Variants in PDLIM5 observed in about 807,000 individuals in gnomAD.
PDLIM5 encodes the protein PDZ and LIM domain 5.
PDLIM5 carries 34 observed loss-of-function variants against 64.2 expected under a neutral mutation model. That is an observed-to-expected ratio of 0.53 (90% CI 0.40 to 0.71). PDLIM5 has a LOEUF of 0.71. PDLIM5 is among the 30% of genes least tolerant of loss of function. The probability of loss-of-function intolerance (pLI) is 0.00; values close to 1 mark genes in which losing one functional copy is unlikely to be tolerated. For missense variants in PDLIM5, 683 were observed against 733.6 expected (o/e 0.93, Z 0.80); for synonymous variants, 253 against 269.1 (o/e 0.94, Z 0.59).
intron 2 of PDLIM5, among the ~76,000 whole-genome samples, chr4:94,481,861 G>C (rs1002441812): frequency 9.2e-5 from 14 of 151,846 alleles, no homozygotes; most frequent in African/African-American, 2.9e-4. Flanking sequence ...CACCCACCTT[G>C]GCCTCCGAAA....
At chr4:94,598,548 G>A (rs1171644195) in intron 7 of PDLIM5, among the ~76,000 whole-genome samples, 1 of 151,942 alleles carries the variant, frequency 6.6e-6, no homozygotes, top group Non-Finnish European at 1.5e-5. Flanking sequence ...TTAGTCTCAG[G>A]CCTCACTTAT....
At chr4:94,555,033 TGTTAA>T (rs1733155012) in intron 3 of PDLIM5, among the ~76,000 whole-genome samples, 1 of 62,598 alleles carries the variant, frequency 1.6e-5, no homozygotes, top group African/African-American at 3.0e-5. Context: ...CTTTGATGTT[TGTTAA>T]GTTAGGTGTG....
chr4:94,457,008 T>G, intron 2 of PDLIM5: 2 of 973,306 alleles, frequency 2.1e-6, no homozygotes, highest in Non-Finnish European at 2.4e-6. Context: ...ATTTAGTTAG[T>G]TGTTTCTTTA....
At chr4:94,528,013 C>T (rs981321467) in intron 3 of PDLIM5, among the ~76,000 whole-genome samples, 3 of 152,198 alleles carry the variant, frequency 2.0e-5, no homozygotes, top group Admixed American at 2.0e-4. Context: ...TCTATCCAGA[C>T]TAATCCCTCT....
rs548509158 is a variant in PDLIM5 at position 94,627,545 on chromosome 4, G to A, written c.1108+9354G>A. The stretch of plus-strand genomic sequence containing the variant: ...GGTTTAAACCAAAGTTTGGCAAATG[G>A]TGTTCCTTGGTCACATCTGGCCCAC... On this transcript the variant is annotated intron_variant, in intron 8 of 12. Transcript: ENST00000317968. Among the ~76,000 whole-genome samples, 24 of 152,266 alleles carry A rather than the reference G, an allele frequency of 1.6e-4. No individual in the cohort carries two copies. The South Asian group carries it at 4.1e-3, about 26-fold the overall frequency.
At position 94,665,091 on chromosome 4, in the gene PDLIM5, A is replaced by C. The variant is rs772368362; in HGVS notation, c.*1024A>C. ...TGTTTCTATTCATTGTGTATGCTTC[A>C]TCACCTATATTAGGCAAATTCCATT... On this transcript the variant is annotated 3_prime_UTR_variant, in exon 13 of 13. Transcript: ENST00000317968. 85 of 961,634 alleles carry C rather than the reference A, an allele frequency of 8.8e-5. No homozygotes were observed. The highest frequency in any genetic ancestry group is 9.7e-5 in the Non-Finnish European group (79 of 811,308). The allele number at this position is 961,634 out of a possible 1,614,324, so 59.6% of individuals were successfully genotyped here. A position where few individuals can be genotyped will look rare whatever the true frequency, so the allele number is the denominator to read the frequency against.
intron 1 of PDLIM5, among the ~76,000 whole-genome samples, chr4:94,453,021 G>C (rs1243948602): frequency 6.6e-6 from 1 of 151,974 alleles, no homozygotes; most frequent in Non-Finnish European, 1.5e-5. Flanking sequence ...ACTCTGTGTA[G>C]TTCATCTTGA....
intron 3 of PDLIM5, among the ~76,000 whole-genome samples, chr4:94,528,420 AC>A (rs1730565545): frequency 6.6e-6 from 1 of 152,158 alleles, no homozygotes; most frequent in Admixed American, 6.5e-5. Context: ...TAATAGTCAT[AC>A]CTAGCACTGC....
Position 94,664,330 on chromosome 4 carries a change from A to G in PDLIM5, c.*263A>G. The stretch of plus-strand genomic sequence containing the variant: ...ATAAAAACCAATTTCCTGATGGACT[A>G]TTAAATTCATCTTAGAATAAATTAG... On this transcript the variant is annotated 3_prime_UTR_variant, in exon 13 of 13. Coordinates refer to ENST00000317968, the MANE Select transcript of PDLIM5 (RefSeq NM_006457.5). 1 of 733,088 alleles carries G rather than the reference A, an allele frequency of 1.4e-6. No homozygotes were observed. Among genetic ancestry groups the G allele is most frequent in the Non-Finnish European group, 1.7e-6 (1 of 587,278 alleles). 45.4% of individuals were successfully genotyped at this position (733,088 alleles called of 1,614,324 possible). A position where few individuals can be genotyped will look rare whatever the true frequency, so the allele number is the denominator to read the frequency against.
chr4:94,501,011 G>C (rs1364135779), intron 2 of PDLIM5, among the ~76,000 whole-genome samples: 1 of 150,984 alleles, frequency 6.6e-6, no homozygotes, highest in Non-Finnish European at 1.5e-5. Context: ...CCAAATCCTG[G>C]GCTCAAGTGA....
At chr4:94,562,644 T>C (rs78411958) in intron 3 of PDLIM5, among the ~76,000 whole-genome samples, 7 of 152,304 alleles carry the variant, frequency 4.6e-5, no homozygotes, top group African/African-American at 1.7e-4. Flanking sequence ...AGTTTGGGTG[T>C]TGAGATTCCA....
chr4:94,526,734 C>CTTTTTTTT (rs33968218), intron 3 of PDLIM5, among the ~76,000 whole-genome samples: 3 of 147,248 alleles, frequency 2.0e-5, no homozygotes, highest in Non-Finnish European at 1.5e-5. Flanking sequence ...GCATTTCTTT[C>CTTTTTTTT]TTTCTTTTTT....
At chr4:94,622,819 T>C (rs980595190) in intron 8 of PDLIM5, among the ~76,000 whole-genome samples, 2 of 151,972 alleles carry the variant, frequency 1.3e-5, no homozygotes, top group Admixed American at 6.6e-5. Flanking sequence ...TACAGGTGCC[T>C]GCCACCACAC....
At chr4:94,642,284 G>C (rs1413761285) in intron 9 of PDLIM5, among the ~76,000 whole-genome samples, 1 of 152,176 alleles carries the variant, frequency 6.6e-6, no homozygotes, top group Non-Finnish European at 1.5e-5. Flanking sequence ...ATCAGTTGCT[G>C]ATTCATGTTG....
chr4:94,662,306 A>G (rs1742797599), intron 11 of PDLIM5, 116 bp from the exon 12 acceptor site: 2 of 515,788 alleles, frequency 3.9e-6, no homozygotes, highest in East Asian at 3.0e-5. Context: ...TCAAATTCCT[A>G]ATATCTTTGT....
chr4:94,629,822 A>AT (rs1739998183), intron 8 of PDLIM5, among the ~76,000 whole-genome samples: 1 of 152,166 alleles, frequency 6.6e-6, no homozygotes, highest in South Asian at 2.1e-4. Context: ...CACTGATTTC[A>AT]TTTTTTAAAA....
intron 8 of PDLIM5, among the ~76,000 whole-genome samples, chr4:94,632,829 A>G (rs1483621285): frequency 6.6e-6 from 1 of 152,202 alleles, no homozygotes; most frequent in East Asian, 1.9e-4. Context: ...TGAACCAGAG[A>G]ACTGGGCAGC....
chr4:94,497,660 A>C lies in PDLIM5; in HGVS notation c.97-26064A>C, dbSNP rs543299605. 5.3e-5 allele frequency among the ~76,000 whole-genome samples: 8 copies of C among 152,350 alleles called. No homozygotes were observed. The South Asian group carries it at 6.2e-4, about 12-fold the overall frequency. ...TTGTAGTTTGGTTTGTCTTCAGTGCATGTCATCAAAAAGATTATGTAGACA... is the reference window on the plus strand; with the variant it reads ...TTGTAGTTTGGTTTGTCTTCAGTGCCTGTCATCAAAAAGATTATGTAGACA... On this transcript the variant is annotated intron_variant, in intron 2 of 12. Coordinates refer to ENST00000317968, the MANE Select transcript of PDLIM5 (RefSeq NM_006457.5).
chr4:94,564,656 C>CTCTTTTTT (rs1553959063), intron 3 of PDLIM5, among the ~76,000 whole-genome samples: 10 of 104,506 alleles, frequency 9.6e-5, no homozygotes, highest in African/African-American at 4.3e-4. Context: ...AATTTTGTCT[C>CTCTTTTTT]TTTTTTTTTT....
Sources: allele counts gnomAD v4.1 joint callset (sites outside exome capture counted in the v4.1 genomes callset), GRCh38; gene constraint gnomAD v4.1.1; transcripts MANE v1.5; gene names NCBI Gene and HGNC (gene_info 2026-07-23, HGNC 2026-07-21).